Variants in WSB1 observed in about 807,000 individuals in gnomAD.
WSB1 encodes WD repeat and SOCS box containing 1, also known as WD repeat and SOCS box-containing protein 1.
In WSB1, 23 loss-of-function variants were observed where a neutral mutation model predicts 50.2. The ratio of observed to expected loss-of-function variants is 0.46; its 90% CI spans 0.33 to 0.65. The LOEUF is 0.65. Ranked by LOEUF, WSB1 falls within the 30% of genes least tolerant of loss-of-function variation. The pLI is 0.02. For missense variants in WSB1, 492 were observed against 522.3 expected, an observed-to-expected ratio of 0.94 and a Z score of 0.56; for synonymous variants, 179 against 172.0, an observed-to-expected ratio of 1.04 and a Z score of -0.32.
intron 1 of WSB1, among the ~76,000 whole-genome samples, chr17:27,298,198 T>C (rs1176596199): frequency 6.6e-6 from 1 of 151,678 alleles, no homozygotes; most frequent in Non-Finnish European, 1.5e-5. Context: ...AAGGGAGAGC[T>C]TAATTTTAGT....
At chr17:27,302,140 G>T in intron 2 of WSB1, 184 bp downstream of exon 2, 1 of 743,494 alleles carries the variant, frequency 1.3e-6, no homozygotes, top group Non-Finnish European at 1.9e-6. Flanking sequence ...GCCGGGCGCG[G>T]CGGCTCAGGC....
At chr17:27,309,011 TAATTA>T (rs2017563127) in intron 5 of WSB1, 84 bp from the exon 6 acceptor site, 11 of 1,408,858 alleles carry the variant, frequency 7.8e-6, no homozygotes, top group Non-Finnish European at 1.0e-5. Flanking sequence ...AATATAATCT[TAATTA>T]AATTTAGCAG....
At chr17:27,308,128 C>G (rs551417675) in intron 5 of WSB1, 1 of 1,053,048 alleles carries the variant, frequency 9.5e-7, no homozygotes, top group African/African-American at 1.7e-5. Flanking sequence ...CTTTCAGATT[C>G]CAGAGATATC....
At position 27,305,018 on chromosome 17, in the gene WSB1, A is replaced by G. The variant is rs921545243; in HGVS notation, c.610+107A>G. The stretch of plus-strand genomic sequence containing the variant: ...TGACTTTAAAAATGACATGTGATCA[A>G]AGTTCCTTTTCTCTGCCTTAACACT... On this transcript the variant is annotated intron_variant, in intron 4 of 8. Transcript: ENST00000262394. 2.4e-5 allele frequency: 34 copies of G among 1,438,620 alleles called. No homozygotes were observed. In the Middle Eastern group the frequency reaches 7.2e-4, roughly 31 times the overall value. 89.1% of individuals were successfully genotyped at this position (1,438,620 alleles called of 1,614,324 possible). A position where few individuals can be genotyped will look rare whatever the true frequency, so the allele number is the denominator to read the frequency against.
At position 27,294,268 on chromosome 17, in the gene WSB1, C is replaced by T. The variant is rs144432959; in HGVS notation, c.-128C>T. Reference sequence around the variant, plus strand: ...AGTTAGCAGAAGCCGCAGCGGCCGCCCCCGCCCGTCTCCTCTGTCCCTGGG... The same window carrying T: ...AGTTAGCAGAAGCCGCAGCGGCCGCTCCCGCCCGTCTCCTCTGTCCCTGGG... On this transcript the variant is annotated 5_prime_UTR_variant, in exon 1 of 9. Coordinates refer to ENST00000262394, the MANE Select transcript of WSB1 (RefSeq NM_015626.10). The T allele has an allele frequency of 2.4e-5, 32 of 1,320,340 alleles. No homozygotes were observed. The Admixed American group carries it at 7.3e-4, about 30-fold the overall frequency. 81.8% of individuals were successfully genotyped at this position (1,320,340 alleles called of 1,614,324 possible).
intron 1 of WSB1, among the ~76,000 whole-genome samples, chr17:27,294,777 C>T (rs2016882133): frequency 1.3e-5 from 2 of 152,064 alleles, no homozygotes; most frequent in African/African-American, 4.8e-5. Flanking sequence ...CACTCAGGGA[C>T]TTTAGGTTTA....
At chr17:27,295,841 C>CT (rs35532397) in intron 1 of WSB1, among the ~76,000 whole-genome samples, 49,063 of 146,152 alleles carry the variant, frequency 0.34, 8,259 homozygotes, top group Middle Eastern at 0.44. Flanking sequence ...TTCTCTCTCT[C>CT]TTTTTTTTTT....
At chr17:27,306,569 C>T (rs1004962951) in intron 4 of WSB1, among the ~76,000 whole-genome samples, 1 of 152,148 alleles carries the variant, frequency 6.6e-6, no homozygotes, top group Non-Finnish European at 1.5e-5. Context: ...GTGAACCATG[C>T]TGTCTGCTGT....
In WSB1 at chr17:27,313,235, A is replaced by G. The variant is rs777720952; in HGVS notation, c.*866A>G. 1.3e-5 allele frequency: 2 copies of G among 151,742 alleles called. No homozygotes were observed. Among genetic ancestry groups the G allele is most frequent in the African/African-American group, 2.4e-5 (1 of 40,824 alleles). The allele number at this position is 151,742 out of a possible 1,614,324, so 9.4% of individuals were successfully genotyped here. ...ACAACAAAGAAGGCAGAGCCAGGAT[A>G]TAACTAGAAAAAGGATGTCTTTTTT... On this transcript the variant is annotated 3_prime_UTR_variant, in exon 9 of 9. Coordinates refer to ENST00000262394, the MANE Select transcript of WSB1 (RefSeq NM_015626.10).
chr17:27,303,405 GT>G lies in WSB1; in HGVS notation c.251del (p.Leu84Ter), dbSNP rs1348411631. On this transcript the variant is annotated frameshift_variant, in exon 3 of 9. Transcript: ENST00000262394. LOFTEE classifies it high-confidence loss of function. ...HGTKNVTNSS[S>X]LRLPRQNSDG... ...ACCAAGAATGTTACCAATTCAAGCA[GT>G]TTAAGATTGCCAAGACAAAATAGTG... 1.9e-6 allele frequency: 3 copies of G among 1,613,904 alleles called. No homozygotes were observed. Among genetic ancestry groups the G allele is most frequent in the African/African-American group, 1.3e-5 (1 of 74,904 alleles).
Position 27,311,578 on chromosome 17 carries a change from C to G in WSB1, c.1068C>G (p.Cys356Trp), listed in dbSNP as rs2017680542. Residue 356 changes from cysteine (C) to tryptophan (W), a missense_variant, in exon 8 of 9, where the codon TGC becomes TGG. Physicochemically the swap from Cys to Trp is radical, Grantham distance 215 (BLOSUM62 -2). Transcript: ENST00000262394. ...TTGCACCTTTGAGCAATGGTCTTTGCTGTGCCTTCTCTACTGATGGCAGTG... is the reference window on the plus strand; with the variant it reads ...TTGCACCTTTGAGCAATGGTCTTTGGTGTGCCTTCTCTACTGATGGCAGTG... ...VQVAPLSNGLCCAFSTDGSVL... is the reference protein window; with the variant it reads ...VQVAPLSNGLWCAFSTDGSVL... The G allele has an allele frequency of 6.2e-7, 1 of 1,604,524 alleles. No individual in the cohort carries two copies. The highest frequency in any genetic ancestry group is 1.7e-5 in the Admixed American group (1 of 59,226).
intron 1 of WSB1, among the ~76,000 whole-genome samples, chr17:27,296,219 C>A (rs2016972570): frequency 6.6e-6 from 1 of 151,912 alleles, no homozygotes; most frequent in Non-Finnish European, 1.5e-5. Context: ...CCCCCACTAG[C>A]CCCCTGATTT....
At chr17:27,307,518 A>G in intron 5 of WSB1, 2 of 555,536 alleles carry the variant, frequency 3.6e-6, no homozygotes, top group Non-Finnish European at 6.3e-6. Context: ...GTCCAAATAC[A>G]TGTGATAATT....
intron 3 of WSB1, among the ~76,000 whole-genome samples, chr17:27,304,165 T>C (rs2017348397): frequency 6.6e-6 from 1 of 152,114 alleles, no homozygotes; most frequent in Non-Finnish European, 1.5e-5. Context: ...TAAAGAAGCA[T>C]TAAAAGAACA....
chr17:27,305,190 G>T (rs1316915931), intron 4 of WSB1, among the ~76,000 whole-genome samples: 1 of 152,190 alleles, frequency 6.6e-6, no homozygotes, highest in Non-Finnish European at 1.5e-5. Context: ...ATATGGATCA[G>T]GTTTGGGATT....
chr17:27,306,662 G>A, intron 4 of WSB1, 120 bp from the exon 5 acceptor site: 1 of 919,338 alleles, frequency 1.1e-6, no homozygotes, highest in Non-Finnish European at 1.7e-6. Context: ...GGTAACCCTT[G>A]TTATAGATAA....
At chr17:27,298,953 C>A (rs1479294081) in intron 1 of WSB1, among the ~76,000 whole-genome samples, 9 of 152,162 alleles carry the variant, frequency 5.9e-5, no homozygotes, top group African/African-American at 2.2e-4. Flanking sequence ...TACAGCTACT[C>A]AGGAGGTTGA....
In WSB1 at chr17:27,312,271, TTA is replaced by T; in HGVS notation, c.1170_1171del (p.Cys391SerfsTer42). ...ACGGCAGGTCCCTAGCCTGCAACAT[TTA>T]TGTCGCATGTCAATCCGAAGAGTGA... ...TPRQVPSLQH[L>X]CRMSIRRVMP... On this transcript the variant is annotated frameshift_variant, in exon 9 of 9. Coordinates refer to ENST00000262394, the MANE Select transcript of WSB1 (RefSeq NM_015626.10). LOFTEE classifies it high-confidence loss of function. 6.2e-7 allele frequency: 1 copy of T among 1,614,132 alleles called. No individual in the cohort carries two copies. The highest frequency in any genetic ancestry group is 1.1e-5 in the South Asian group (1 of 91,076).
At position 27,301,931 on chromosome 17, in the gene WSB1, C is replaced by A. The variant is rs778022075; in HGVS notation, c.184C>A (p.Pro62Thr). 6.2e-7 allele frequency: 1 copy of A among 1,600,148 alleles called. No homozygotes were observed. The highest frequency in any genetic ancestry group is 1.7e-4 in the Middle Eastern group (1 of 5,990). Residue 62 changes from proline to threonine, a missense_variant, in exon 2 of 9, where the codon CCG (proline) becomes ACG (threonine). Physicochemically the swap from Pro to Thr is conservative, Grantham distance 38. Coordinates refer to ENST00000262394, the MANE Select transcript of WSB1 (RefSeq NM_015626.10). ...SQGHRTVKLV[P>T]WSQCLQNFLL... ...AGGACATCGCACAGTAAAGCTTGTT[C>A]CGTGGTCCCAGTGCCTTCAGAACTT...
Sources: gnomAD v4.1 joint callset for allele counts (sites outside exome capture counted in the v4.1 genomes callset) on GRCh38, gnomAD v4.1.1 for gene constraint, MANE v1.5 for transcripts, NCBI Gene and HGNC (gene_info 2026-07-23, HGNC 2026-07-21) for gene names.